Variants in CMTM4 observed in about 807,000 individuals in gnomAD.
The protein encoded by CMTM4 is CKLF-like MARVEL transmembrane domain-containing protein 4.
In CMTM4, 8 loss-of-function variants were observed where a neutral mutation model predicts 19.0. The observed-to-expected ratio is 0.42, with a 90% CI of 0.25 to 0.76. The LOEUF is 0.76. Ranked by LOEUF, CMTM4 falls within the 30% of genes least tolerant of loss-of-function variation. The pLI, the probability that CMTM4 is intolerant of heterozygous loss-of-function variation, is 0.27. For synonymous variants in CMTM4, 106 were observed against 121.1 expected (o/e 0.88, Z 0.82); for missense variants, 228 against 290.2 (o/e 0.79, Z 1.56).
Position 66,618,701 on chromosome 16 carries a change from G to C in CMTM4, c.*3357C>G. The C allele has an allele frequency of 8.1e-6, 8 of 985,502 alleles. No homozygotes were observed. The highest frequency in any genetic ancestry group is 9.6e-6 in the Non-Finnish European group (8 of 829,958). 61.0% of individuals were successfully genotyped at this position (985,502 alleles called of 1,614,324 possible). ...GCTTAACCCAAGGCTGACTCACTAG[G>C]ACAGCTTCCAAGAACCACAGATGTA... is the stretch of plus-strand genomic sequence containing the variant. On this transcript the variant is annotated 3_prime_UTR_variant, in exon 4 of 4. Transcript: ENST00000394106.
Position 66,620,345 on chromosome 16 carries a change from G to A in CMTM4, c.*1713C>T. ...CTCTGTGGGAGCAGAGGGGAGACGA[G>A]TTGTTAACAGGCTAGCAGGGTCAGC... On this transcript the variant is annotated 3_prime_UTR_variant, in exon 4 of 4. Coordinates refer to ENST00000394106, the MANE Select transcript of CMTM4 (RefSeq NM_181521.3). 14 of 985,502 alleles carry A rather than the reference G, an allele frequency of 1.4e-5. No homozygotes were observed. The highest frequency in any genetic ancestry group is 1.7e-5 in the Non-Finnish European group (14 of 829,962). The allele number at this position is 985,502 out of a possible 1,614,324, so 61.0% of individuals were successfully genotyped here.
intron 1 of CMTM4, among the ~76,000 whole-genome samples, chr16:66,663,117 A>C (rs1166270140): frequency 6.6e-6 from 1 of 152,248 alleles, no homozygotes; most frequent in Non-Finnish European, 1.5e-5. Flanking sequence ...GAACCCAGCC[A>C]GGTTGATTGC....
At chr16:66,671,502 G>A (rs535211772) in intron 1 of CMTM4, among the ~76,000 whole-genome samples, 12 of 152,280 alleles carry the variant, frequency 7.9e-5, no homozygotes, top group South Asian at 2.1e-4. Context: ...AAACATCAGC[G>A]GGCTCACTGA....
intron 1 of CMTM4, among the ~76,000 whole-genome samples, chr16:66,679,627 C>T (rs2016870906): frequency 6.6e-6 from 1 of 151,898 alleles, no homozygotes; most frequent in Non-Finnish European, 1.5e-5. Context: ...AGTTCGAGAC[C>T]AGCCTGGCCA....
chr16:66,661,356 C>T (rs1187801526), intron 1 of CMTM4, among the ~76,000 whole-genome samples: 6 of 152,114 alleles, frequency 3.9e-5, no homozygotes, highest in Non-Finnish European at 5.9e-5. Context: ...TAAAAGCAGC[C>T]AAGTGAAAAC....
chr16:66,692,290 A>G (rs532012545), intron 1 of CMTM4, among the ~76,000 whole-genome samples: 9 of 152,316 alleles, frequency 5.9e-5, no homozygotes, highest in Non-Finnish European at 1.3e-4. Context: ...TGGTTTCACC[A>G]TGGTGGCCAG....
At chr16:66,604,783 C>T in the CMTM4 span, 1 of 1,242,918 alleles carries the variant, frequency 8.0e-7, no homozygotes, top group Non-Finnish European at 1.0e-6. Context: ...AGGCCGAGCC[C>T]CGGCCCTACC....
At chr16:66,683,580 A>AT (rs529378702) in intron 1 of CMTM4, among the ~76,000 whole-genome samples, 38 of 150,936 alleles carry the variant, frequency 2.5e-4, no homozygotes, top group Middle Eastern at 3.4e-3. Flanking sequence ...CGCCCGGCCC[A>AT]TTTTTTTTCT....
At chr16:66,646,039 T>G (rs1174109120) in intron 1 of CMTM4, among the ~76,000 whole-genome samples, 1 of 152,014 alleles carries the variant, frequency 6.6e-6, no homozygotes, top group Admixed American at 6.6e-5. Context: ...ACAGCACATC[T>G]ACATACAGTA....
At chr16:66,605,037 G>C in the CMTM4 span, 1 of 1,242,922 alleles carries the variant, frequency 8.0e-7, no homozygotes, top group African/African-American at 1.6e-5. This position sits in a 1 kb window ranked among gnomAD's most constrained non-coding sequence, Gnocchi z 4.6. Flanking sequence ...GTGGGGTCCG[G>C]GGGCGGCCGC....
intron 1 of CMTM4, among the ~76,000 whole-genome samples, chr16:66,658,920 TA>T (rs2016451571): frequency 1.3e-5 from 2 of 152,108 alleles, no homozygotes; most frequent in African/African-American, 2.4e-5. Context: ...TTGGCTTCAC[TA>T]AAAGCAAGAC....
intron 1 of CMTM4, among the ~76,000 whole-genome samples, chr16:66,691,169 A>C (rs1405188184): frequency 2.6e-5 from 4 of 152,104 alleles, no homozygotes; most frequent in African/African-American, 9.7e-5. Flanking sequence ...TCCTATACAA[A>C]TACATTGTCA....
intron 1 of CMTM4, among the ~76,000 whole-genome samples, chr16:66,683,084 A>T (rs1373141994): frequency 7.0e-6 from 1 of 143,884 alleles, no homozygotes; most frequent in Non-Finnish European, 1.5e-5. Context: ...TCTCTCCAAT[A>T]TTTTCCACCT....
At chr16:66,638,263 T>A (rs2016034276) in intron 1 of CMTM4, among the ~76,000 whole-genome samples, 1 of 152,172 alleles carries the variant, frequency 6.6e-6, no homozygotes, top group Non-Finnish European at 1.5e-5. Flanking sequence ...ACAGTAACTT[T>A]CACATAGCTG....
chr16:66,669,601 G>A (rs1328213553), intron 1 of CMTM4, among the ~76,000 whole-genome samples: 1 of 152,026 alleles, frequency 6.6e-6, no homozygotes, highest in African/African-American at 2.4e-5. Flanking sequence ...GAGTGCAGTG[G>A]AGCAATCTCA....
downstream of CMTM4, chr16:66,609,789 C>G (rs774548967): frequency 1.2e-6 from 2 of 1,612,522 alleles, no homozygotes; most frequent in African/African-American, 1.3e-5. This position sits in a 1 kb window ranked among gnomAD's most constrained non-coding sequence, Gnocchi z 4.4. Context: ...GGCTGTTTGT[C>G]CAAGCAGATC....
At chr16:66,678,948 C>T (rs757831107) in intron 1 of CMTM4, among the ~76,000 whole-genome samples, 4 of 151,650 alleles carry the variant, frequency 2.6e-5, no homozygotes, top group Non-Finnish European at 4.4e-5. Flanking sequence ...ACAAAATGTA[C>T]AAAAATTAGG....
At chr16:66,609,014 C>T in the CMTM4 span, among the ~76,000 whole-genome samples, 2 of 152,222 alleles carry the variant, frequency 1.3e-5, no homozygotes, top group East Asian at 3.8e-4. The surrounding 1 kb of genome is among the most constrained non-coding windows in gnomAD (Gnocchi z 4.4). Flanking sequence ...GTGTCCCCAT[C>T]TTAGGGACGG....
At chr16:66,657,285 ATGTTGGCCAGGCTCATG>A (rs2016415703) in intron 1 of CMTM4, among the ~76,000 whole-genome samples, 1 of 152,016 alleles carries the variant, frequency 6.6e-6, no homozygotes, top group South Asian at 2.1e-4. Flanking sequence ...GGGTTTCACC[ATGTTGGCCAGGCTCATG>A]GCCTGGCCAG....
Sources: allele counts gnomAD v4.1 joint callset (sites outside exome capture counted in the v4.1 genomes callset), GRCh38; gene constraint gnomAD v4.1.1; non-coding constraint Gnocchi (gnomAD v3.1); transcripts MANE v1.5; gene names NCBI Gene and HGNC (gene_info 2026-07-23, HGNC 2026-07-21).